CPVL: variants seen among roughly 807,000 people sequenced by gnomAD.
The protein encoded by CPVL is carboxypeptidase vitellogenic like.
In CPVL, 51 loss-of-function variants were observed where a neutral mutation model predicts 63.7. That is an observed-to-expected ratio of 0.80 (90% CI 0.64 to 1.01). The LOEUF (loss-of-function observed/expected upper bound fraction) is 1.01. Among genes scored for constraint, CPVL ranks in the 50% least tolerant of loss-of-function variants. CPVL has a pLI of 0.00. For synonymous variants in CPVL, 195 were observed against 206.0 expected (o/e 0.95, Z 0.46); for missense variants, 530 against 573.1 (o/e 0.92, Z 0.77).
chr7:29,148,139 G>A (rs184327062), upstream of CPVL, among the ~76,000 whole-genome samples: 9 of 152,308 alleles, frequency 5.9e-5, no homozygotes, highest in East Asian at 1.2e-3. Flanking sequence ...TGCTGCTGGC[G>A]TGCAGACCCT....
intron 1 of CPVL, among the ~76,000 whole-genome samples, chr7:29,141,384 T>C (rs1280411823): frequency 6.6e-6 from 1 of 151,428 alleles, no homozygotes; most frequent in Non-Finnish European, 1.5e-5. Flanking sequence ...ACCCCGTCTC[T>C]ACTAAAAATA....
intron 1 of CPVL, among the ~76,000 whole-genome samples, chr7:29,122,876 T>C (rs1789520191): frequency 6.6e-6 from 1 of 152,216 alleles, no homozygotes; most frequent in African/African-American, 2.4e-5. Flanking sequence ...GTTTTACACC[T>C]GAGGTAGTGC....
intron 3 of CPVL, among the ~76,000 whole-genome samples, chr7:29,100,854 C>T (rs565806013): frequency 6.6e-5 from 10 of 152,334 alleles, no homozygotes; most frequent in African/African-American, 2.4e-4. Context: ...GCCAACCAAC[C>T]TGTGAACTAA....
At chr7:29,055,641 T>G (rs1035139852) in intron 11 of CPVL, among the ~76,000 whole-genome samples, 30 of 152,212 alleles carry the variant, frequency 2.0e-4, no homozygotes, top group Admixed American at 2.0e-3. Flanking sequence ...GTCCCAGCCC[T>G]GGTGCTGGGC....
At chr7:29,146,293 C>A in intron 1 of CPVL, 136 bp downstream of exon 1, 1 of 351,122 alleles carries the variant, frequency 2.8e-6, no homozygotes, top group Non-Finnish European at 5.1e-6. Context: ...TCCAGTCTCA[C>A]TCTACGGTGC....
chr7:29,182,299 A>G (rs1252851660), intron 4 of CPVL, among the ~76,000 whole-genome samples: 1 of 152,232 alleles, frequency 6.6e-6, no homozygotes, highest in Non-Finnish European at 1.5e-5. Flanking sequence ...TCAATGCCTT[A>G]AAAGAGTTGT....
chr7:29,115,234 T>C (rs1194312762), intron 2 of CPVL, among the ~76,000 whole-genome samples: 1 of 152,248 alleles, frequency 6.6e-6, no homozygotes, highest in Non-Finnish European at 1.5e-5. Context: ...AAAGTTATCA[T>C]TAGCCTTTGG....
At chr7:29,017,371 C>T (rs1436150549) in intron 12 of CPVL, among the ~76,000 whole-genome samples, 3 of 152,220 alleles carry the variant, frequency 2.0e-5, no homozygotes, top group Non-Finnish European at 4.4e-5. Context: ...TGGTGGCTCA[C>T]GCCTGTAATC....
chr7:29,040,697 C>T (rs1788979883), intron 11 of CPVL, among the ~76,000 whole-genome samples: 1 of 152,176 alleles, frequency 6.6e-6, no homozygotes. Flanking sequence ...TCCCATCCCC[C>T]TACCAGCTGG....
At chr7:29,105,913 A>G (rs1426553421) in intron 3 of CPVL, among the ~76,000 whole-genome samples, 1 of 152,222 alleles carries the variant, frequency 6.6e-6, no homozygotes, top group African/African-American at 2.4e-5. Flanking sequence ...AGAACTAAAC[A>G]TACATATACA....
At chr7:29,186,111 A>G (rs1237115686) in intron 2 of CPVL, among the ~76,000 whole-genome samples, 1 of 152,098 alleles carries the variant, frequency 6.6e-6, no homozygotes, top group African/African-American at 2.4e-5. Flanking sequence ...AATAATTTTG[A>G]TCCCTTGAAA....
chr7:29,086,430 T>C (rs323192), intron 7 of CPVL, 54 bp downstream of exon 7: 60,857 of 1,213,148 alleles, frequency 0.05, 1,681 homozygotes, highest in African/African-American at 0.078. Flanking sequence ...ACTCATAATA[T>C]ATGTCAGTTC....
chr7:29,046,278 G>A (rs1416305020), intron 11 of CPVL, among the ~76,000 whole-genome samples: 3 of 151,874 alleles, frequency 2.0e-5, no homozygotes, highest in African/African-American at 7.3e-5. Flanking sequence ...GTAGACACAG[G>A]TTTCACCACA....
At chr7:29,064,818 C>T (rs1021631051) in intron 10 of CPVL, among the ~76,000 whole-genome samples, 11 of 151,920 alleles carry the variant, frequency 7.2e-5, no homozygotes, top group African/African-American at 1.5e-4. Flanking sequence ...CAACAGTCCC[C>T]GGTGTGTGAT....
At chr7:29,153,514 C>T (rs954328006) in intron 5 of CPVL, among the ~76,000 whole-genome samples, 4 of 152,168 alleles carry the variant, frequency 2.6e-5, no homozygotes, top group African/African-American at 7.2e-5. Flanking sequence ...AGGATGAAGA[C>T]CTTTATGGTG....
chr7:29,147,498 G>C (rs1383928078), upstream of CPVL, among the ~76,000 whole-genome samples: 1 of 152,198 alleles, frequency 6.6e-6, no homozygotes, highest in Non-Finnish European at 1.5e-5. Flanking sequence ...TTACGAGCTG[G>C]AACAAACTAA....
At chr7:29,177,668 A>G (rs1241296587) in intron 5 of CPVL, among the ~76,000 whole-genome samples, 1 of 147,584 alleles carries the variant, frequency 6.8e-6, no homozygotes, top group African/African-American at 2.5e-5. Flanking sequence ...ATATCTACCT[A>G]TTTATCTATC....
At chr7:29,175,294 C>T (rs1306379511) in intron 5 of CPVL, among the ~76,000 whole-genome samples, 1 of 152,018 alleles carries the variant, frequency 6.6e-6, no homozygotes, top group African/African-American at 2.4e-5. Context: ...CCTGCCTCAG[C>T]CCCCTCAGTA....
intron 6 of CPVL, among the ~76,000 whole-genome samples, chr7:29,087,423 C>CAAAAA (rs56726137): frequency 1.5e-4 from 11 of 71,322 alleles, no homozygotes; most frequent in East Asian, 4.3e-4. Flanking sequence ...GACTCTGTCT[C>CAAAAA]AAAAAAAAAA....
Sources: gnomAD v4.1 joint callset for allele counts (sites outside exome capture counted in the v4.1 genomes callset) on GRCh38, gnomAD v4.1.1 for gene constraint, MANE v1.5 for transcripts, NCBI Gene and HGNC (gene_info 2026-07-23, HGNC 2026-07-21) for gene names.